Variants in IL1RAPL2 observed in about 807,000 individuals in gnomAD.
The protein encoded by IL1RAPL2 is interleukin 1 receptor accessory protein like 2.
Under a neutral mutation model 44.1 loss-of-function variants are expected in IL1RAPL2, and 3 were observed. That is an observed-to-expected ratio of 0.07 (90% CI 0.03 to 0.18). IL1RAPL2 has a LOEUF of 0.18. Ranked by LOEUF, IL1RAPL2 falls within the 10% of genes least tolerant of loss-of-function variation. The pLI, the probability that IL1RAPL2 is intolerant of heterozygous loss-of-function variation, is 1.00. For synonymous variants in IL1RAPL2, 181 were observed against 178.8 expected, an observed-to-expected ratio of 1.01 and a Z score of -0.10; for missense variants, 391 against 496.4, an observed-to-expected ratio of 0.79 and a Z score of 2.02.
At chrX:105,766,842 A>G (rs1342497473) in intron 10 of IL1RAPL2, 122 bp from the exon 11 acceptor site, 3 of 472,782 alleles carry the variant, frequency 6.3e-6, no homozygotes, top group Non-Finnish European at 1.1e-5. Flanking sequence ...ACCATACAAG[A>G]AAAGAAAATG....
intron 5 of IL1RAPL2, among the ~76,000 whole-genome samples, chrX:105,287,086 C>A (rs2034577890): frequency 9.0e-6 from 1 of 111,622 alleles, no homozygotes; most frequent in African/African-American, 3.3e-5. Flanking sequence ...AACCATCACA[C>A]AAATAAGTAT....
chrX:104,812,143 C>A (rs1039090079), intron 2 of IL1RAPL2, among the ~76,000 whole-genome samples: 6 of 110,790 alleles, frequency 5.4e-5, no homozygotes, highest in African/African-American at 6.6e-5. Context: ...TCAAACAGCA[C>A]CCCCTGAAGA....
rs1009229638 is a variant in IL1RAPL2 at position 105,554,664 on chromosome X, A to G, written c.772+70277A>G. 6.3e-5 allele frequency among the ~76,000 whole-genome samples: 7 copies of G among 111,066 alleles called. No homozygotes were observed. The South Asian group carries it at 1.1e-3, about 18-fold the overall frequency. Reference sequence around the variant, plus strand: ...TCAGTTGTGATAGTCTGTATTACTCAATCTTAAAGTTCATTGTTCTCTTCT... The same window carrying G: ...TCAGTTGTGATAGTCTGTATTACTCGATCTTAAAGTTCATTGTTCTCTTCT... On this transcript the variant is annotated intron_variant, in intron 6 of 10. Coordinates refer to ENST00000372582, the MANE Select transcript of IL1RAPL2 (RefSeq NM_017416.2).
intron 6 of IL1RAPL2, among the ~76,000 whole-genome samples, chrX:105,678,328 A>G (rs2037891599): frequency 8.9e-6 from 1 of 112,186 alleles, no homozygotes; most frequent in Non-Finnish European, 1.9e-5. Context: ...CCCCTCGAGC[A>G]TATTTCCTTT....
At chrX:105,603,575 T>C (rs934341070) in intron 6 of IL1RAPL2, among the ~76,000 whole-genome samples, 3 of 111,292 alleles carry the variant, frequency 2.7e-5, no homozygotes, top group Non-Finnish European at 5.7e-5. Context: ...CAGAACCCAA[T>C]ATAATAATAG....
intron 2 of IL1RAPL2, among the ~76,000 whole-genome samples, chrX:104,805,066 G>A (rs1467510843): frequency 8.9e-6 from 1 of 111,802 alleles, no homozygotes; most frequent in Non-Finnish European, 1.9e-5. Flanking sequence ...AACGTCCAGT[G>A]TATACATCCC....
At chrX:105,144,137 G>T (rs1488577395) in intron 2 of IL1RAPL2, among the ~76,000 whole-genome samples, 1 of 105,485 alleles carries the variant, frequency 9.5e-6, no homozygotes. Context: ...GTGTGTGTGT[G>T]TGTGTAGGGG....
intron 6 of IL1RAPL2, among the ~76,000 whole-genome samples, chrX:105,652,254 G>A (rs1569461976): frequency 9.0e-6 from 1 of 111,542 alleles, no homozygotes; most frequent in Non-Finnish European, 1.9e-5. Flanking sequence ...AAATGCCAGA[G>A]GCTCCTCACT....
At chrX:105,662,761 G>C (rs1045652466) in intron 6 of IL1RAPL2, among the ~76,000 whole-genome samples, 9 of 111,584 alleles carry the variant, frequency 8.1e-5, no homozygotes, top group African/African-American at 2.9e-4. Context: ...GGCCTACCAT[G>C]GTGAGAAACT....
At chrX:104,966,364 A>G (rs1013202238) in intron 2 of IL1RAPL2, among the ~76,000 whole-genome samples, 1 of 111,727 alleles carries the variant, frequency 9.0e-6, no homozygotes, top group African/African-American at 3.2e-5. Context: ...GGGGCAGTAG[A>G]AAAATTGAAA....
intron 6 of IL1RAPL2, among the ~76,000 whole-genome samples, chrX:105,508,899 T>G (rs980542301): frequency 8.1e-5 from 9 of 111,727 alleles, no homozygotes; most frequent in African/African-American, 2.9e-4. Context: ...TCCCTAAGTG[T>G]CAGGAGACAA....
intron 2 of IL1RAPL2, among the ~76,000 whole-genome samples, chrX:104,675,261 C>G (rs1468735931): frequency 1.8e-5 from 2 of 111,496 alleles, no homozygotes; most frequent in Non-Finnish European, 1.9e-5. Flanking sequence ...CCTCTACACA[C>G]TGCTTTAAAT....
At chrX:104,847,690 T>C (rs944402050) in intron 2 of IL1RAPL2, among the ~76,000 whole-genome samples, 29 of 111,777 alleles carry the variant, frequency 2.6e-4, no homozygotes, top group African/African-American at 7.8e-4. Context: ...TTTTTTGGTT[T>C]CATATGAACT....
At chrX:104,723,587 C>T (rs1602697928) in intron 2 of IL1RAPL2, among the ~76,000 whole-genome samples, 2 of 110,036 alleles carry the variant, frequency 1.8e-5, no homozygotes, top group South Asian at 3.9e-4. Flanking sequence ...AGAGCTGGTA[C>T]CCTTGAATTT....
intron 2 of IL1RAPL2, among the ~76,000 whole-genome samples, chrX:104,715,653 C>G (rs1219496612): frequency 9.8e-6 from 1 of 101,620 alleles, no homozygotes; most frequent in Non-Finnish European, 2.0e-5. Flanking sequence ...CGAACCAAAT[C>G]AGGAATGAGC....
intron 1 of IL1RAPL2, among the ~76,000 whole-genome samples, chrX:104,658,334 A>G (rs1397702578): frequency 8.9e-6 from 1 of 112,045 alleles, no homozygotes; most frequent in East Asian, 2.8e-4. Context: ...ATGAAGCTGG[A>G]AACCATCATT....
chrX:105,315,301 A>G (rs1603061164), intron 5 of IL1RAPL2, among the ~76,000 whole-genome samples: 1 of 109,044 alleles, frequency 9.2e-6, no homozygotes, highest in East Asian at 2.9e-4. Flanking sequence ...CTGTAGTCTG[A>G]CTTAATGTCA....
chrX:104,766,840 T>G (rs1932563536), intron 2 of IL1RAPL2, among the ~76,000 whole-genome samples: 2 of 112,213 alleles, frequency 1.8e-5, no homozygotes, highest in South Asian at 7.3e-4. Flanking sequence ...TTCGTTTCTA[T>G]TTTTGCTTTG....
chrX:105,741,111 C>T (rs1394424714), intron 8 of IL1RAPL2, among the ~76,000 whole-genome samples: 2 of 110,925 alleles, frequency 1.8e-5, no homozygotes, highest in African/African-American at 6.5e-5. Context: ...AATAATAATC[C>T]CATATAATAT....
Sources: allele counts gnomAD v4.1 joint callset (sites outside exome capture counted in the v4.1 genomes callset), GRCh38; gene constraint gnomAD v4.1.1; transcripts MANE v1.5; gene names NCBI Gene and HGNC (gene_info 2026-07-23, HGNC 2026-07-21).